TATDN1: variants seen among roughly 807,000 people sequenced by gnomAD.
TATDN1 encodes the protein TatD DNase domain containing 1, also known as deoxyribonuclease TATDN1.
In TATDN1, 40 loss-of-function variants were observed where a neutral mutation model predicts 46.4. The observed-to-expected ratio is 0.86, with a 90% CI of 0.67 to 1.12. TATDN1 has a LOEUF of 1.12. TATDN1 is among the 50% of genes most tolerant of loss of function. The pLI, the probability that TATDN1 is intolerant of heterozygous loss-of-function variation, is 0.00. For synonymous variants in TATDN1, 95 were observed against 105.6 expected, an observed-to-expected ratio of 0.90 and a Z score of 0.62; for missense variants, 326 against 348.4, an observed-to-expected ratio of 0.94 and a Z score of 0.51.
chr8:124,529,264 C>T (rs572825407), intron 1 of TATDN1, among the ~76,000 whole-genome samples: 6 of 152,310 alleles, frequency 3.9e-5, no homozygotes, highest in Non-Finnish European at 4.4e-5. Context: ...TCCTAAATCC[C>T]GCAACAATGT....
chr8:124,497,157 C>T (rs961764663), intron 9 of TATDN1, among the ~76,000 whole-genome samples: 4 of 152,160 alleles, frequency 2.6e-5, no homozygotes, highest in Admixed American at 1.3e-4. Flanking sequence ...CATCTTTTCC[C>T]CCTTCAAATT....
chr8:124,521,927 C>T (rs1820080571), intron 3 of TATDN1: 2 of 360,660 alleles, frequency 5.5e-6, no homozygotes, highest in Non-Finnish European at 9.8e-6. Context: ...GGAGCTTTTG[C>T]CATTTATCAT....
chr8:124,508,309 G>C (rs1818689268), intron 8 of TATDN1, among the ~76,000 whole-genome samples, 165 bp downstream of exon 8: 2 of 152,152 alleles, frequency 1.3e-5, no homozygotes, highest in Non-Finnish European at 2.9e-5. Context: ...TTTTGTGCGT[G>C]AAACAAAATT....
chr8:124,515,792 T>C lies in TATDN1; in HGVS notation c.347-4A>G. 6.2e-7 allele frequency: 1 copy of C among 1,613,854 alleles called. No individual in the cohort carries two copies. Among genetic ancestry groups the C allele is most frequent in the Non-Finnish European group, 8.5e-7 (1 of 1,179,848 alleles). ...CAAAACTGCAGTCGGTCAAAATCTT[T>C]AAAAAGATAAAGAAGAATAATTACT... On this transcript the variant is annotated splice_region_variant and splice_polypyrimidine_tract_variant and intron_variant, in intron 5 of 11. Coordinates refer to ENST00000276692, the MANE Select transcript of TATDN1 (RefSeq NM_032026.4).
At chr8:124,510,688 G>C (rs1017176566) in intron 6 of TATDN1, among the ~76,000 whole-genome samples, 1 of 151,790 alleles carries the variant, frequency 6.6e-6, no homozygotes, top group Non-Finnish European at 1.5e-5. Context: ...GCCAGGTGTG[G>C]TAGCATATGC....
chr8:124,523,238 A>G (rs1820210878), intron 1 of TATDN1: 1 of 482,268 alleles, frequency 2.1e-6, no homozygotes, highest in African/African-American at 2.0e-5. Flanking sequence ...CCATTATCAG[A>G]CAATTATGAA....
chr8:124,534,070 T>C (rs1036040766), intron 1 of TATDN1, among the ~76,000 whole-genome samples: 1 of 134,430 alleles, frequency 7.4e-6, no homozygotes, highest in Non-Finnish European at 1.5e-5. Context: ...GGCGTGAACC[T>C]GGGAGGCGGA....
At chr8:124,515,374 G>T (rs907571436) in intron 6 of TATDN1, among the ~76,000 whole-genome samples, 6 of 152,046 alleles carry the variant, frequency 3.9e-5, no homozygotes, top group African/African-American at 1.4e-4. Context: ...GAGAGACTCT[G>T]TCTCAAAAAA....
At position 124,488,680 on chromosome 8, in the gene TATDN1, T is replaced by A. The variant is rs1816619788; in HGVS notation, c.808A>T (p.Met270Leu). 1.2e-6 allele frequency: 2 copies of A among 1,601,710 alleles called. No homozygotes were observed. The highest frequency in any genetic ancestry group is 1.7e-6 in the Non-Finnish European group (2 of 1,169,382). The change falls in exon 12 of 12, where the codon ATG becomes TTG. Residue 270 changes from methionine (M) to leucine (L), a missense_variant. Transcript: ENST00000276692. ...PCHIIQILEI[M>L]SAVRDEDPLE... ...GGATCCTCATCTCTCACTGCTGACATTATCTCCAATATTTGACTAAAACAA... is the reference window on the plus strand; with the variant it reads ...GGATCCTCATCTCTCACTGCTGACAATATCTCCAATATTTGACTAAAACAA...
chr8:124,539,051 G>A lies in TATDN1; in HGVS notation c.-5C>T, dbSNP rs760202160. On this transcript the variant is annotated 5_prime_UTR_variant, in exon 1 of 12. Transcript: ENST00000276692. ...GATAAACTTGAAGCGACTCATGACT[G>A]CGCATGGAGGACCTCCCCAGCGGAA... The A allele has an allele frequency of 1.9e-6, 3 of 1,613,234 alleles. No individual in the cohort carries two copies. Among genetic ancestry groups the A allele is most frequent in the Non-Finnish European group, 2.5e-6 (3 of 1,179,222 alleles).
intron 8 of TATDN1, among the ~76,000 whole-genome samples, chr8:124,505,949 A>G (rs993183658): frequency 6.6e-6 from 1 of 151,242 alleles, no homozygotes; most frequent in Non-Finnish European, 1.5e-5. Flanking sequence ...TTATTTGGCA[A>G]TTTCTTTTTT....
intron 1 of TATDN1, among the ~76,000 whole-genome samples, chr8:124,524,695 G>T (rs930999269): frequency 6.6e-6 from 1 of 152,196 alleles, no homozygotes; most frequent in Admixed American, 6.5e-5. Context: ...CAGAAGGGAA[G>T]GTTTTGCAGA....
In TATDN1 at chr8:124,522,151, C is replaced by CT; in HGVS notation, c.137dup (p.Phe47ValfsTer12). ...TCAAAAATAACAAAATGGATGTTACCTTTTTAACACCAATCTCGACAGCTC... is the reference window on the plus strand; with the variant it reads ...TCAAAAATAACAAAATGGATGTTACCTTTTTTAACACCAATCTCGACAGCTC... On this transcript the variant is annotated frameshift_variant and splice_region_variant, in exon 3 of 12. Transcript: ENST00000276692. LOFTEE classifies it high-confidence loss of function. 6.3e-7 allele frequency: 1 copy of CT among 1,578,066 alleles called. No individual in the cohort carries two copies.
intron 1 of TATDN1, among the ~76,000 whole-genome samples, chr8:124,526,456 T>TAGCTTGAAAAGCTATCTTTTC (rs1820509861): frequency 6.6e-6 from 1 of 152,152 alleles, no homozygotes. Context: ...CTAAAGATAG[T>TAGCTTGAAAAGCTATCTTTTC]AAGTAGCTTG....
intron 1 of TATDN1, among the ~76,000 whole-genome samples, chr8:124,529,760 G>A (rs553742216): frequency 1.3e-5 from 2 of 152,300 alleles, no homozygotes; most frequent in Admixed American, 1.3e-4. Flanking sequence ...ATCTGATGTA[G>A]ATGACACTTG....
chr8:124,504,031 C>A, intron 9 of TATDN1: 1 of 1,025,706 alleles, frequency 9.7e-7, no homozygotes. Flanking sequence ...CAGATCTCAA[C>A]ACAAAATTGT....
intron 3 of TATDN1, among the ~76,000 whole-genome samples, chr8:124,520,661 G>A (rs1819953438): frequency 6.6e-6 from 1 of 151,712 alleles, no homozygotes; most frequent in African/African-American, 2.4e-5. Flanking sequence ...AACGATGATG[G>A]GCCTGGCGCG....
At chr8:124,522,380 T>C (rs1820124233) in intron 2 of TATDN1, among the ~76,000 whole-genome samples, 180 bp from the exon 3 acceptor site, 2 of 152,204 alleles carry the variant, frequency 1.3e-5, no homozygotes, top group South Asian at 4.1e-4. Flanking sequence ...TCAATAAATG[T>C]GTTTCACTTT....
chr8:124,489,268 T>C (rs1816704284), intron 11 of TATDN1: 1 of 152,520 alleles, frequency 6.6e-6, no homozygotes, highest in Non-Finnish European at 1.5e-5. Flanking sequence ...GTGTGGTTAT[T>C]GAGGGCGAGG....
Sources: allele counts gnomAD v4.1 joint callset (sites outside exome capture counted in the v4.1 genomes callset), GRCh38; gene constraint gnomAD v4.1.1; transcripts MANE v1.5; gene names NCBI Gene and HGNC (gene_info 2026-07-23, HGNC 2026-07-21).